Variants in C8orf34 observed in about 807,000 individuals in gnomAD.
C8orf34 encodes uncharacterized protein C8orf34.
C8orf34 carries 65 observed loss-of-function variants against 68.3 expected under a neutral mutation model. That is an observed-to-expected ratio of 0.95 (90% CI 0.78 to 1.17). The LOEUF (loss-of-function observed/expected upper bound fraction) is 1.17. Among genes scored for constraint, C8orf34 ranks in the 50% most tolerant of loss-of-function variants. The pLI, the probability that C8orf34 is intolerant of heterozygous loss-of-function variation, is 0.00. For missense variants in C8orf34, 664 were observed against 655.4 expected, an observed-to-expected ratio of 1.01 and a Z score of -0.14; for synonymous variants, 244 against 241.2, an observed-to-expected ratio of 1.01 and a Z score of -0.11.
intron 3 of C8orf34, among the ~76,000 whole-genome samples, chr8:68,458,304 T>G (rs1811638704): frequency 6.6e-6 from 1 of 152,188 alleles, no homozygotes; most frequent in South Asian, 2.1e-4. Context: ...TGATTCTGTA[T>G]GTAGACTGGC....
intron 8 of C8orf34, among the ~76,000 whole-genome samples, chr8:68,651,061 C>G (rs746838890): frequency 9.2e-5 from 14 of 152,184 alleles, no homozygotes; most frequent in Non-Finnish European, 1.6e-4. Flanking sequence ...CTTTTACCCT[C>G]TCTATCTGCC....
intron 4 of C8orf34, among the ~76,000 whole-genome samples, chr8:68,482,108 T>G (rs1381045594): frequency 6.6e-6 from 1 of 152,174 alleles, no homozygotes; most frequent in East Asian, 1.9e-4. Context: ...GGGGACCAGA[T>G]TATCCTGTGC....
intron 10 of C8orf34, among the ~76,000 whole-genome samples, chr8:68,734,327 G>A (rs1822065951): frequency 6.6e-6 from 1 of 152,024 alleles, no homozygotes; most frequent in Non-Finnish European, 1.5e-5. Flanking sequence ...ACAGTAGGGA[G>A]ACCTTGGAAG....
chr8:68,550,248 G>A (rs1037455833), intron 7 of C8orf34, among the ~76,000 whole-genome samples: 1 of 151,408 alleles, frequency 6.6e-6, no homozygotes, highest in Admixed American at 6.6e-5. Flanking sequence ...TAGTATATCT[G>A]TCATACTTCT....
chr8:68,596,284 G>A (rs1586426413), intron 7 of C8orf34, among the ~76,000 whole-genome samples: 6 of 152,122 alleles, frequency 3.9e-5, no homozygotes, highest in South Asian at 2.1e-4. Context: ...CTTTCTCTCC[G>A]TCTCCATTGG....
chr8:68,462,399 A>G (rs1313203416), intron 3 of C8orf34, among the ~76,000 whole-genome samples: 1 of 152,154 alleles, frequency 6.6e-6, no homozygotes, highest in African/African-American at 2.4e-5. Context: ...GAAAGTTAAC[A>G]AGGATACCCA....
chr8:68,481,722 T>G (rs1009317493), intron 4 of C8orf34, among the ~76,000 whole-genome samples: 2 of 152,214 alleles, frequency 1.3e-5, no homozygotes, highest in Non-Finnish European at 2.9e-5. Context: ...TGTAAGCCCT[T>G]TGTTTTGGCC....
At chr8:68,744,924 C>T (rs916841348) in intron 10 of C8orf34, among the ~76,000 whole-genome samples, 1 of 152,068 alleles carries the variant, frequency 6.6e-6, no homozygotes, top group African/African-American at 2.4e-5. Flanking sequence ...CTCCAAGACA[C>T]ATAATTGTCA....
At chr8:68,580,772 G>T (rs1817039778) in intron 7 of C8orf34, among the ~76,000 whole-genome samples, 1 of 152,138 alleles carries the variant, frequency 6.6e-6, no homozygotes, top group Admixed American at 6.6e-5. Flanking sequence ...TCTCCAGAGA[G>T]ATAGCTCTTC....
chr8:68,331,520 G>A, intron 1 of C8orf34, 181 bp downstream of exon 1: 1 of 700,476 alleles, frequency 1.4e-6, no homozygotes, highest in African/African-American at 1.8e-5. Flanking sequence ...CCTGGAACGC[G>A]GCCGGGCGGG....
At chr8:68,703,737 C>A (rs1283258658) in intron 8 of C8orf34, among the ~76,000 whole-genome samples, 1 of 152,088 alleles carries the variant, frequency 6.6e-6, no homozygotes, top group Non-Finnish European at 1.5e-5. Context: ...GCAACAGCCA[C>A]CTGTCCAGGG....
intron 1 of C8orf34, among the ~76,000 whole-genome samples, chr8:68,373,641 A>C (rs1807660490): frequency 6.6e-6 from 1 of 152,158 alleles, no homozygotes; most frequent in Non-Finnish European, 1.5e-5. Flanking sequence ...TTAATGGTAA[A>C]ATTTATTTCT....
At chr8:68,421,469 C>T (rs1387027474) in intron 1 of C8orf34, among the ~76,000 whole-genome samples, 1 of 152,210 alleles carries the variant, frequency 6.6e-6, no homozygotes, top group Non-Finnish European at 1.5e-5. Flanking sequence ...CTAGAAAAAA[C>T]CTAGTGGCAA....
At chr8:68,413,524 G>A (rs984265969) in intron 1 of C8orf34, among the ~76,000 whole-genome samples, 2 of 152,132 alleles carry the variant, frequency 1.3e-5, no homozygotes, top group East Asian at 3.9e-4. Context: ...CTACTTTACA[G>A]CTCTTCTTAT....
At chr8:68,697,215 C>T (rs182637341) in intron 8 of C8orf34, among the ~76,000 whole-genome samples, 1 of 151,734 alleles carries the variant, frequency 6.6e-6, no homozygotes, top group Non-Finnish European at 1.5e-5. Flanking sequence ...CTTTTATTTG[C>T]TGTATTTCTT....
chr8:68,468,318 A>C (rs915929810), intron 3 of C8orf34, among the ~76,000 whole-genome samples: 1 of 152,062 alleles, frequency 6.6e-6, no homozygotes, highest in African/African-American at 2.4e-5. Context: ...TGAATGTCCT[A>C]AAAATATTTA....
intron 5 of C8orf34, among the ~76,000 whole-genome samples, chr8:68,501,341 G>A (rs1409530844): frequency 6.6e-6 from 1 of 152,130 alleles, no homozygotes; most frequent in Non-Finnish European, 1.5e-5. Flanking sequence ...AAGCTGAGAG[G>A]TTCAACTCTG....
At position 68,815,855 on chromosome 8, in the gene C8orf34, G is replaced by A. The variant is rs369376882; in HGVS notation, c.1550-31G>A. On this transcript the variant is annotated intron_variant, in intron 12 of 13. Transcript: ENST00000518698. ...TTAATCGATGATTTTTCCTGGCCTG[G>A]CATATTATCTCTGTTTCTTTTGTTG... The A allele has an allele frequency of 5.6e-6, 9 of 1,613,246 alleles. No homozygotes were observed. The African/African-American group carries it at 9.3e-5, about 17-fold the overall frequency.
At chr8:68,396,870 A>G (rs555299326) in intron 1 of C8orf34, among the ~76,000 whole-genome samples, 1 of 151,974 alleles carries the variant, frequency 6.6e-6, no homozygotes, top group South Asian at 2.1e-4. Flanking sequence ...TGCTAACACC[A>G]TGTATCTTAT....
Sources: gnomAD v4.1 joint callset for allele counts (sites outside exome capture counted in the v4.1 genomes callset) on GRCh38, gnomAD v4.1.1 for gene constraint, MANE v1.5 for transcripts, NCBI Gene and HGNC (gene_info 2026-07-23, HGNC 2026-07-21) for gene names.